The following TMEM131 variants were observed in gnomAD, a reference collection of about 807,000 sequenced individuals.
TMEM131 encodes the protein 2610524E03Rik.
In TMEM131, 66 loss-of-function variants were observed where a neutral mutation model predicts 211.6. The observed-to-expected ratio is 0.31, with a 90% CI of 0.26 to 0.38. The LOEUF (loss-of-function observed/expected upper bound fraction) is 0.38. Ranked by LOEUF, TMEM131 falls within the 10% of genes least tolerant of loss-of-function variation. The probability of loss-of-function intolerance (pLI) is 1.00; values close to 1 mark genes in which losing one functional copy is unlikely to be tolerated. For synonymous variants in TMEM131, 844 were observed against 841.3 expected (o/e 1.00, Z -0.06); for missense variants, 2,036 against 2,299.3 (o/e 0.89, Z 2.34).
intron 1 of TMEM131, among the ~76,000 whole-genome samples, chr2:97,963,048 T>G (rs1169748386): frequency 6.6e-6 from 1 of 152,216 alleles, no homozygotes; most frequent in East Asian, 1.9e-4. Flanking sequence ...AGGGGAACTT[T>G]CTGAGATGAT....
chr2:97,810,171 A>G (rs1046926697), intron 18 of TMEM131, among the ~76,000 whole-genome samples: 2 of 152,172 alleles, frequency 1.3e-5, no homozygotes, highest in Non-Finnish European at 2.9e-5. Context: ...GCATATCTAG[A>G]GTTATATAGC....
intron 4 of TMEM131, among the ~76,000 whole-genome samples, chr2:97,866,073 G>A (rs1216814865): frequency 2.6e-5 from 4 of 152,164 alleles, no homozygotes; most frequent in Admixed American, 1.3e-4. Context: ...TTTAGTAGAC[G>A]TGGGGTTTCA....
chr2:97,945,075 G>A (rs954081985), intron 1 of TMEM131, among the ~76,000 whole-genome samples: 2 of 152,306 alleles, frequency 1.3e-5, no homozygotes, highest in African/African-American at 4.8e-5. Context: ...AATGTCCACT[G>A]ACTAATGAGC....
intron 12 of TMEM131, among the ~76,000 whole-genome samples, chr2:97,817,222 G>A (rs1342595863): frequency 6.9e-6 from 1 of 144,692 alleles, no homozygotes; most frequent in Non-Finnish European, 1.5e-5. Context: ...CTTCACCCTT[G>A]CAGAGCAGCT....
chr2:97,777,891 G>A (rs1336538876), intron 31 of TMEM131, among the ~76,000 whole-genome samples: 1 of 152,094 alleles, frequency 6.6e-6, no homozygotes, highest in Non-Finnish European at 1.5e-5. Flanking sequence ...GACCTACATC[G>A]AAGAGCCAGA....
chr2:97,923,614 ACT>A (rs1210302248), intron 2 of TMEM131, among the ~76,000 whole-genome samples: 2 of 121,656 alleles, frequency 1.6e-5, no homozygotes, highest in Non-Finnish European at 3.3e-5. Flanking sequence ...AGAGCAAGAC[ACT>A]GTCTTTTTTT....
At chr2:97,832,820 G>C (rs1280969623) in intron 11 of TMEM131, among the ~76,000 whole-genome samples, 2 of 152,114 alleles carry the variant, frequency 1.3e-5, no homozygotes, top group African/African-American at 4.8e-5. Flanking sequence ...TGGCCTAAAA[G>C]TTACTTACTC....
At chr2:97,821,838 C>T (rs1682137690) in intron 11 of TMEM131, among the ~76,000 whole-genome samples, 1 of 152,168 alleles carries the variant, frequency 6.6e-6, no homozygotes, top group African/African-American at 2.4e-5. Flanking sequence ...GGCTAACAAC[C>T]CCCAACTCTT....
chr2:97,765,160 T>A (rs1679095928), intron 35 of TMEM131: 1 of 152,190 alleles, frequency 6.6e-6, no homozygotes, highest in Non-Finnish European at 1.5e-5. Flanking sequence ...TAGGATTGTA[T>A]CCCACCCCTG....
At chr2:97,876,775 C>T (rs1428090463) in intron 4 of TMEM131, among the ~76,000 whole-genome samples, 1 of 152,156 alleles carries the variant, frequency 6.6e-6, no homozygotes, top group Non-Finnish European at 1.5e-5. Context: ...GGAAGCATTC[C>T]CTTTGAAAAC....
At chr2:97,917,048 C>T (rs1676536868) in intron 2 of TMEM131, among the ~76,000 whole-genome samples, 3 of 152,148 alleles carry the variant, frequency 2.0e-5, no homozygotes, top group African/African-American at 4.8e-5. Flanking sequence ...AATCACAGCT[C>T]CTTCTCCATT....
chr2:97,947,043 G>A (rs1033373740), intron 1 of TMEM131, among the ~76,000 whole-genome samples: 2 of 151,728 alleles, frequency 1.3e-5, no homozygotes, highest in Non-Finnish European at 2.9e-5. Flanking sequence ...TGGCAAAATG[G>A]GCACAAAAAG....
At chr2:97,937,484 T>G (rs1397533807) in intron 1 of TMEM131, among the ~76,000 whole-genome samples, 1 of 152,160 alleles carries the variant, frequency 6.6e-6, no homozygotes, top group African/African-American at 2.4e-5. Flanking sequence ...GAAGAATATT[T>G]GAAGAATAGG....
At chr2:97,979,937 G>A (rs1423620353) in intron 1 of TMEM131, among the ~76,000 whole-genome samples, 1 of 152,178 alleles carries the variant, frequency 6.6e-6, no homozygotes, top group Non-Finnish European at 1.5e-5. Flanking sequence ...AGGGAGAGGT[G>A]TGACTCTTCC....
rs1336524748 is a variant in TMEM131 at position 97,877,535 on chromosome 2, C to T, written c.359+10517G>A. Among the ~76,000 whole-genome samples the T allele has an allele frequency of 2.6e-5, 4 of 152,102 alleles. No individual in the cohort carries two copies. The East Asian group carries it at 7.7e-4, about 29-fold the overall frequency. On this transcript the variant is annotated intron_variant, in intron 4 of 40. Coordinates refer to ENST00000186436, the MANE Select transcript of TMEM131 (RefSeq NM_015348.2). ...ATAGACCAACGGAACAGAAGAAAGGCCTCAGAAACAACACCACACATCTAC... is the reference window on the plus strand; with the variant it reads ...ATAGACCAACGGAACAGAAGAAAGGTCTCAGAAACAACACCACACATCTAC...
At position 97,797,409 on chromosome 2, in the gene TMEM131, A is replaced by G. The variant is rs201866251; in HGVS notation, c.2826T>C (p.Phe942=). The G allele has an allele frequency of 2.0e-4, 327 of 1,612,396 alleles. No individual in the cohort carries two copies. Among genetic ancestry groups the G allele is most frequent in the Non-Finnish European group, 2.5e-4 (293 of 1,179,700 alleles). ...PGEKKSVKVK[F]TPVHNRTVSS... The stretch of plus-strand genomic sequence containing the variant: ...AAACAGTTCTGTTGTGAACTGGAGT[A>G]AACTTTACTTTGACAGATTTCTTTT... The change falls in exon 26 of 41, where the codon TTT becomes TTC. Residue 942 remains phenylalanine, a synonymous_variant. Coordinates refer to ENST00000186436, the MANE Select transcript of TMEM131 (RefSeq NM_015348.2).
chr2:97,792,839 C>T lies in TMEM131; in HGVS notation c.3691G>A (p.Asp1231Asn), dbSNP rs1387225017. Residue 1231 changes from aspartate to asparagine, a missense_variant, in exon 31 of 41, where the codon GAC (aspartate) becomes AAC (asparagine). Asp to Asn is a conservative substitution (Grantham distance 23). This residue lies in a region of TMEM131 where 1,623 missense variants were observed against 1,805.9 expected (regional missense o/e 0.90). Coordinates refer to ENST00000186436, the MANE Select transcript of TMEM131 (RefSeq NM_015348.2). ...HSSHSNRNSA[D>N]VENVRAKNSS... ...TTTTTGGCTCTGACGTTTTCCACGT[C>T]AGCTGAGTTTCTATTGCTGTGACTG... 6.2e-7 allele frequency: 1 copy of T among 1,613,954 alleles called. No individual in the cohort carries two copies. The highest frequency in any genetic ancestry group is 8.5e-7 in the Non-Finnish European group (1 of 1,179,894).
chr2:97,981,556 T>C (rs903158160), intron 1 of TMEM131, among the ~76,000 whole-genome samples: 4 of 152,280 alleles, frequency 2.6e-5, no homozygotes, highest in East Asian at 1.9e-4. Flanking sequence ...TTAGGTTTTT[T>C]CCCCCTTAGA....
intron 1 of TMEM131, among the ~76,000 whole-genome samples, chr2:97,977,173 T>C (rs1001072532): frequency 1.3e-5 from 2 of 152,170 alleles, no homozygotes; most frequent in African/African-American, 2.4e-5. Flanking sequence ...GTAAAGTTGA[T>C]TCAATCAATT....
Sources: allele counts gnomAD v4.1 joint callset (sites outside exome capture counted in the v4.1 genomes callset), GRCh38; gene constraint gnomAD v4.1.1; regional missense constraint gnomAD v4.1.1; transcripts MANE v1.5; gene names NCBI Gene and HGNC (gene_info 2026-07-23, HGNC 2026-07-21).